The following CACNA1A variants were observed in gnomAD, a reference collection of about 807,000 sequenced individuals.
CACNA1A encodes voltage-dependent P/Q-type calcium channel subunit alpha-1A.
CACNA1A carries 57 observed loss-of-function variants against 262.4 expected under a neutral mutation model. The observed-to-expected ratio is 0.22, with a 90% CI of 0.18 to 0.27. The LOEUF (loss-of-function observed/expected upper bound fraction) is 0.27, where lower values mean the gene tolerates loss of function less well. CACNA1A is among the 10% of genes least tolerant of loss of function. The probability of loss-of-function intolerance (pLI) is 1.00; values close to 1 mark genes in which losing one functional copy is unlikely to be tolerated. For missense variants in CACNA1A, 2,526 were observed against 3,562.8 expected, an observed-to-expected ratio of 0.71 and a Z score of 7.41; for synonymous variants, 1,431 against 1,419.3, an observed-to-expected ratio of 1.01 and a Z score of -0.18.
chr19:13,384,157 T>C (rs764916294), intron 3 of CACNA1A, among the ~76,000 whole-genome samples: 1 of 152,200 alleles, frequency 6.6e-6, no homozygotes. Context: ...TGCTTTCTTC[T>C]AGAATGTCAG....
chr19:13,315,969 A>AT (rs1352942289), intron 11 of CACNA1A: 1 of 151,750 alleles, frequency 6.6e-6, no homozygotes, highest in Non-Finnish European at 1.5e-5. Flanking sequence ...ATTTTACTTT[A>AT]TTTTTTGAGA....
chr19:13,313,567 A>G (rs1197522473), intron 11 of CACNA1A, among the ~76,000 whole-genome samples: 1 of 150,552 alleles, frequency 6.6e-6, no homozygotes, highest in Non-Finnish European at 1.5e-5. Flanking sequence ...AACCAACCTT[A>G]GGCCGATTTT....
chr19:13,294,385 T>C (rs960546056), intron 19 of CACNA1A, among the ~76,000 whole-genome samples: 23 of 151,940 alleles, frequency 1.5e-4, no homozygotes, highest in Admixed American at 1.5e-3. Context: ...TGGCCTCCCA[T>C]TCTCTAAATG....
At chr19:13,396,766 G>C (rs939340553) in intron 3 of CACNA1A, among the ~76,000 whole-genome samples, 1 of 152,168 alleles carries the variant, frequency 6.6e-6, no homozygotes, top group Non-Finnish European at 1.5e-5. Flanking sequence ...ATGCTCCAGC[G>C]GGCTCTGTGC....
Position 13,298,822 on chromosome 19 carries a change from C to A in CACNA1A, c.2811G>T (p.Gly937=), listed in dbSNP as rs1322679497. The A allele has an allele frequency of 3.2e-6, 5 of 1,573,882 alleles. No homozygotes were observed. Among genetic ancestry groups the A allele is most frequent in the Non-Finnish European group, 4.3e-6 (5 of 1,170,266 alleles). ...ACCCGCTGCGGCTCTCCCTGCTGCC[C>A]CCCTGCCGGTGCACGTGCCTCCGGT... ...DPHRRHVHRQ[G]GSRESRSGSP... The change falls in exon 19 of 47, where the codon GGG becomes GGT. Residue 937 remains glycine (G), a synonymous_variant. Transcript: ENST00000360228.
chr19:13,480,644 C>A (rs756554091), intron 1 of CACNA1A, among the ~76,000 whole-genome samples: 2 of 151,994 alleles, frequency 1.3e-5, no homozygotes, highest in Non-Finnish European at 2.9e-5. Context: ...ACCTGAGCAA[C>A]AAAAGCGAGA....
chr19:13,332,806 C>G, intron 9 of CACNA1A, 63 bp downstream of exon 9: 2 of 1,108,840 alleles, frequency 1.8e-6, no homozygotes, highest in Non-Finnish European at 2.8e-6. Flanking sequence ...TCCCCCGACT[C>G]CCCACCACAG....
intron 1 of CACNA1A, among the ~76,000 whole-genome samples, chr19:13,500,869 G>A (rs942252846): frequency 4.6e-5 from 7 of 152,178 alleles, no homozygotes; most frequent in African/African-American, 1.2e-4. Context: ...AAAGGAAGGC[G>A]CTACTGTCAC....
At chr19:13,484,313 C>T (rs549895813) in intron 1 of CACNA1A, among the ~76,000 whole-genome samples, 35 of 152,224 alleles carry the variant, frequency 2.3e-4, no homozygotes, top group African/African-American at 7.5e-4. Context: ...TCCAGAAACC[C>T]TGGGGGCCAG....
chr19:13,495,212 G>A (rs1448979358), intron 1 of CACNA1A, among the ~76,000 whole-genome samples: 1 of 152,138 alleles, frequency 6.6e-6, no homozygotes, highest in African/African-American at 2.4e-5. Flanking sequence ...CAGGAACTTT[G>A]GGGGGATGTG....
intron 3 of CACNA1A, among the ~76,000 whole-genome samples, chr19:13,424,545 A>G (rs1199045384): frequency 6.6e-6 from 1 of 151,778 alleles, no homozygotes; most frequent in Non-Finnish European, 1.5e-5. Flanking sequence ...AGATCACTGT[A>G]GCCTCAAACT....
intron 38 of CACNA1A, among the ~76,000 whole-genome samples, chr19:13,218,931 G>A (rs2055118722): frequency 6.6e-6 from 1 of 151,896 alleles, no homozygotes. Context: ...ACGGGGTTTC[G>A]CCATGTTGGC....
intron 1 of CACNA1A, among the ~76,000 whole-genome samples, chr19:13,487,792 C>T (rs932159704): frequency 3.3e-5 from 5 of 152,040 alleles, no homozygotes; most frequent in South Asian, 2.1e-4. Context: ...CCAAGGCACT[C>T]GCTCAGCATT....
chr19:13,402,443 G>T (rs958925813), intron 3 of CACNA1A, among the ~76,000 whole-genome samples: 10 of 151,920 alleles, frequency 6.6e-5, no homozygotes, highest in Non-Finnish European at 1.3e-4. Flanking sequence ...AGTGTATACT[G>T]CCCGGGTGAT....
intron 3 of CACNA1A, among the ~76,000 whole-genome samples, chr19:13,387,300 G>A (rs2059632101): frequency 6.6e-6 from 1 of 152,140 alleles, no homozygotes; most frequent in South Asian, 2.1e-4. Context: ...ATCAGAACCT[G>A]CTGATTAAAG....
Position 13,451,767 on chromosome 19 carries a change from G to C in CACNA1A, c.539+1109C>G, listed in dbSNP as rs2060920399. On this transcript the variant is annotated intron_variant, in intron 3 of 46. Transcript: ENST00000360228. Reference sequence around the variant, plus strand: ...AGCATGGAGTTATTGGATGATGTGGGCTGACAATGAAGAGCCACAATATGG... The same window carrying C: ...AGCATGGAGTTATTGGATGATGTGGCCTGACAATGAAGAGCCACAATATGG... 2 of 152,188 alleles carry C rather than the reference G, an allele frequency of 1.3e-5. 1 individual carries two copies. The highest frequency in any genetic ancestry group is 4.1e-4 in the South Asian group (2 of 4,826). 9.4% of individuals were successfully genotyped at this position (152,188 alleles called of 1,614,324 possible).
chr19:13,248,409 C>CAAAA (rs61481896), intron 30 of CACNA1A, among the ~76,000 whole-genome samples: 11 of 58,796 alleles, frequency 1.9e-4, no homozygotes, highest in East Asian at 5.6e-4. Context: ...GATCCCATCT[C>CAAAA]AAAAAAAAAA....
chr19:13,312,787 A>G lies in CACNA1A; in HGVS notation c.1556-6T>C, dbSNP rs1381265913. Reference sequence around the variant, plus strand: ...GAAAATGAATTCTGCATAGTCTAGAAGGGAGAAGGAGGAAACAGAGAGGAG... The same window carrying G: ...GAAAATGAATTCTGCATAGTCTAGAGGGGAGAAGGAGGAAACAGAGAGGAG... On this transcript the variant is annotated splice_region_variant and splice_polypyrimidine_tract_variant and intron_variant, in intron 11 of 46. Coordinates refer to ENST00000360228, the MANE Select transcript of CACNA1A (RefSeq NM_001127222.2). 6.9e-7 allele frequency: 1 copy of G among 1,441,052 alleles called. No homozygotes were observed. The highest frequency in any genetic ancestry group is 9.5e-7 in the Non-Finnish European group (1 of 1,054,250). The allele number at this position is 1,441,052 out of a possible 1,614,324, so 89.3% of individuals were successfully genotyped here.
chr19:13,455,010 C>T, intron 2 of CACNA1A, 97 bp downstream of exon 2: 1 of 679,170 alleles, frequency 1.5e-6, no homozygotes, highest in South Asian at 1.9e-5. Context: ...CTCTGGGCTC[C>T]AGGACTGAGA....
Sources: allele counts gnomAD v4.1 joint callset (sites outside exome capture counted in the v4.1 genomes callset), GRCh38; gene constraint gnomAD v4.1.1; transcripts MANE v1.5; gene names NCBI Gene and HGNC (gene_info 2026-07-23, HGNC 2026-07-21).